SNTG1: variants seen among roughly 807,000 people sequenced by gnomAD.
SNTG1 encodes gamma-1-syntrophin.
SNTG1 carries 39 observed loss-of-function variants against 74.7 expected under a neutral mutation model. That is an observed-to-expected ratio of 0.52 (90% confidence interval 0.40 to 0.68). SNTG1 has a LOEUF of 0.68. SNTG1 is among the 30% of genes least tolerant of loss of function. The pLI is 0.00. For synonymous variants in SNTG1, 254 were observed against 217.1 expected, an observed-to-expected ratio of 1.17 and a Z score of -1.49; for missense variants, 685 against 609.5, an observed-to-expected ratio of 1.12 and a Z score of -1.30.
intron 2 of SNTG1, among the ~76,000 whole-genome samples, chr8:50,310,846 T>C (rs1468568825): frequency 1.3e-5 from 2 of 152,218 alleles, no homozygotes; most frequent in African/African-American, 4.8e-5. Context: ...AAAATACACA[T>C]TTCCCATATA....
intron 9 of SNTG1, among the ~76,000 whole-genome samples, chr8:50,512,611 G>A (rs372475865): frequency 7.0e-4 from 106 of 152,096 alleles, no homozygotes; most frequent in Middle Eastern, 6.9e-3. Flanking sequence ...GGCTTTGCTC[G>A]TTTCTTTTTA....
At chr8:50,186,345 T>A (rs1379047644) in intron 2 of SNTG1, among the ~76,000 whole-genome samples, 1 of 152,198 alleles carries the variant, frequency 6.6e-6, no homozygotes, top group Non-Finnish European at 1.5e-5. Context: ...GAATGATTTA[T>A]ATTCCTTTGG....
intron 1 of SNTG1, among the ~76,000 whole-genome samples, chr8:49,932,018 T>C (rs778476280): frequency 6.6e-6 from 1 of 152,180 alleles, no homozygotes; most frequent in Non-Finnish European, 1.5e-5. Flanking sequence ...ATGCATTGTG[T>C]GTGCTTAATT....
At chr8:50,596,635 G>C (rs1266231860) in intron 13 of SNTG1, among the ~76,000 whole-genome samples, 1 of 151,876 alleles carries the variant, frequency 6.6e-6, no homozygotes, top group Admixed American at 6.6e-5. Context: ...CTGTTGCCTT[G>C]GTCTATTTGT....
chr8:50,311,264 A>G (rs1158275012), intron 2 of SNTG1, among the ~76,000 whole-genome samples: 1 of 152,272 alleles, frequency 6.6e-6, no homozygotes, highest in East Asian at 1.9e-4. Flanking sequence ...ATAATTGGAT[A>G]CCTCTGTCAG....
At chr8:50,282,696 G>T (rs1279477491) in intron 2 of SNTG1, among the ~76,000 whole-genome samples, 4 of 152,092 alleles carry the variant, frequency 2.6e-5, no homozygotes, top group Non-Finnish European at 5.9e-5. Flanking sequence ...AACCCAGGAG[G>T]CGGAGGTTGC....
rs550149623 is a variant in SNTG1 at position 50,417,972 on chromosome 8, A to T, written c.162+15628A>T. On this transcript the variant is annotated intron_variant, in intron 4 of 18. Transcript: ENST00000642720. ...GATTCCCACTGTATTTGATTGCATC[A>T]TCAAATGCTCATTTTCCACTAGATC... Among the ~76,000 whole-genome samples, 44 of 108,972 alleles carry T rather than the reference A, an allele frequency of 4.0e-4. 1 individual carries two copies. The highest frequency in any genetic ancestry group is 1.1e-3 in the African/African-American group (41 of 36,792). 71.5% of individuals were successfully genotyped at this position (108,972 alleles called of 152,430 possible). A position where few individuals can be genotyped will look rare whatever the true frequency, so the allele number is the denominator to read the frequency against.
At chr8:50,350,841 G>A (rs2091637132) in intron 2 of SNTG1, among the ~76,000 whole-genome samples, 1 of 152,204 alleles carries the variant, frequency 6.6e-6, no homozygotes, top group Non-Finnish European at 1.5e-5. Flanking sequence ...GGACCAATCA[G>A]CTCTCTGTAA....
At chr8:50,061,976 C>T (rs954074807) in intron 1 of SNTG1, among the ~76,000 whole-genome samples, 2 of 152,028 alleles carry the variant, frequency 1.3e-5, no homozygotes, top group African/African-American at 2.4e-5. Context: ...TTCTTCACAT[C>T]TTCCATATCC....
chr8:50,062,922 AATAC>A (rs1235309577), intron 1 of SNTG1, among the ~76,000 whole-genome samples: 4 of 152,246 alleles, frequency 2.6e-5, no homozygotes, highest in Admixed American at 2.0e-4. Flanking sequence ...GTGATGATTA[AATAC>A]ATACAGAGAC....
chr8:50,610,955 A>G (rs920478737), intron 13 of SNTG1, among the ~76,000 whole-genome samples: 5 of 145,708 alleles, frequency 3.4e-5, no homozygotes, highest in African/African-American at 1.3e-4. Context: ...TCACTTCATG[A>G]CACTGGTAGA....
chr8:50,134,611 G>A (rs539795824), intron 1 of SNTG1, among the ~76,000 whole-genome samples: 54 of 152,244 alleles, frequency 3.5e-4, no homozygotes, highest in Non-Finnish European at 2.9e-4. Flanking sequence ...GGGAAAGATA[G>A]AATAGTAATT....
intron 9 of SNTG1, among the ~76,000 whole-genome samples, chr8:50,507,520 T>G (rs2094018039): frequency 6.6e-6 from 1 of 152,116 alleles, no homozygotes; most frequent in Admixed American, 6.6e-5. Flanking sequence ...TATGTCTGTC[T>G]GTATTTTTTG....
chr8:50,537,582 C>A (rs531707758), intron 11 of SNTG1, among the ~76,000 whole-genome samples: 1 of 152,022 alleles, frequency 6.6e-6, no homozygotes, highest in East Asian at 1.9e-4. Context: ...TAATTTGGGA[C>A]TTTCTTGAAT....
At chr8:50,069,448 G>A (rs1039438582) in intron 1 of SNTG1, among the ~76,000 whole-genome samples, 3 of 152,018 alleles carry the variant, frequency 2.0e-5, no homozygotes, top group Admixed American at 1.3e-4. Flanking sequence ...ATATTTACTG[G>A]CATGGAAAAA....
chr8:50,768,225 G>A (rs1371160052), intron 18 of SNTG1, among the ~76,000 whole-genome samples: 2 of 151,922 alleles, frequency 1.3e-5, no homozygotes, highest in African/African-American at 4.8e-5. Context: ...GTCAGAAATT[G>A]AGGATTGACT....
At chr8:50,158,599 A>G (rs2131582226) in intron 1 of SNTG1, among the ~76,000 whole-genome samples, 1 of 152,336 alleles carries the variant, frequency 6.6e-6, no homozygotes, top group Non-Finnish European at 1.5e-5. Flanking sequence ...TTGAATACCT[A>G]CAGACATTTT....
chr8:49,954,057 A>G (rs1348345847), intron 1 of SNTG1, among the ~76,000 whole-genome samples: 1 of 152,216 alleles, frequency 6.6e-6, no homozygotes, highest in Non-Finnish European at 1.5e-5. Flanking sequence ...TGTTACAATC[A>G]AATTGTAGAA....
chr8:50,463,153 A>G (rs933779153), intron 8 of SNTG1, among the ~76,000 whole-genome samples: 1 of 151,700 alleles, frequency 6.6e-6, no homozygotes, highest in East Asian at 1.9e-4. Flanking sequence ...TGCTATTTCC[A>G]CTGTTTGTTG....
Sources: allele counts gnomAD v4.1 joint callset (sites outside exome capture counted in the v4.1 genomes callset), GRCh38; gene constraint gnomAD v4.1.1; transcripts MANE v1.5; gene names NCBI Gene and HGNC (gene_info 2026-07-23, HGNC 2026-07-21).